Variants in NPC1L1 observed in about 807,000 individuals in gnomAD.
NPC1L1 encodes the protein NPC1-like intracellular cholesterol transporter 1.
A neutral mutation model predicts 117.0 loss-of-function variants in NPC1L1; 98 were observed. The observed-to-expected ratio is 0.84, with a 90% confidence interval of 0.71 to 0.99. The LOEUF is 0.99. Among genes scored for constraint, NPC1L1 ranks in the 50% least tolerant of loss-of-function variants. The probability of loss-of-function intolerance (pLI) is 0.00; values close to 1 mark genes in which losing one functional copy is unlikely to be tolerated. For synonymous variants in NPC1L1, 729 were observed against 727.6 expected (o/e 1.00, Z -0.03); for missense variants, 1,540 against 1,710.0 (o/e 0.90, Z 1.75).
At chr7:44,523,317 A>C (rs187569141) in intron 10 of NPC1L1, among the ~76,000 whole-genome samples, 2 of 152,054 alleles carry the variant, frequency 1.3e-5, no homozygotes, top group South Asian at 2.1e-4. Flanking sequence ...CGGCCTCCCA[A>C]ATGGCTGGGA....
intron 5 of NPC1L1, among the ~76,000 whole-genome samples, chr7:44,535,295 C>CG (rs1801842217): frequency 6.6e-6 from 1 of 150,962 alleles, no homozygotes; most frequent in Non-Finnish European, 1.5e-5. Flanking sequence ...ACCCAGGAGG[C>CG]GGAGGTTGCA....
In NPC1L1 at chr7:44,540,301, G is replaced by C. The variant is rs1169864294; in HGVS notation, c.96C>G (p.Tyr32Ter). 6.2e-7 allele frequency: 1 copy of C among 1,613,782 alleles called. No homozygotes were observed. Among genetic ancestry groups the C allele is most frequent in the African/African-American group, 1.3e-5 (1 of 74,924 alleles). Residue 32 changes from tyrosine to a stop codon, truncating the protein, a stop_gained, in exon 2 of 19, where the codon TAC becomes TAG. Coordinates refer to ENST00000381160, the MANE Select transcript of NPC1L1 (RefSeq NM_001101648.2). LOFTEE classifies it high-confidence loss of function. ...EPYTTIHQPGYCAFYDECGKN... is the reference protein window; with the variant it reads ...EPYTTIHQPG ...TCCCACATTCGTCATAGAAGGCGCA[G>C]TAGCCAGGCTGGTGGATGGTTGTGT...
intron 16 of NPC1L1, 77 bp downstream of exon 16, chr7:44,516,626 A>T (rs1801192740): frequency 2.6e-6 from 3 of 1,175,792 alleles, no homozygotes; most frequent in Admixed American, 4.0e-5. Flanking sequence ...AACAAAAAAG[A>T]ACTAGGAGTA....
At position 44,536,707 on chromosome 7, in the gene NPC1L1, T is replaced by C. The variant is rs1801906169; in HGVS notation, c.1681+135A>G. The C allele has an allele frequency of 8.8e-6, 7 of 798,846 alleles. No individual in the cohort carries two copies. Among genetic ancestry groups the C allele is most frequent in the Non-Finnish European group, 1.5e-5 (7 of 464,326 alleles). 49.5% of individuals were successfully genotyped at this position (798,846 alleles called of 1,614,324 possible). On this transcript the variant is annotated intron_variant, in intron 3 of 18. Transcript: ENST00000381160. The surrounding 1 kb of genome is among the most constrained non-coding windows in gnomAD (Gnocchi z 4.7). Reference sequence around the variant, plus strand: ...GGCAGAGAGAGGAAACAGGACAGGGTTGGCCTACAGCTTCCAGAAGCCAGG... The same window carrying C: ...GGCAGAGAGAGGAAACAGGACAGGGCTGGCCTACAGCTTCCAGAAGCCAGG...
chr7:44,536,545 C>T lies in NPC1L1; in HGVS notation c.1682-117G>A. The stretch of plus-strand genomic sequence containing the variant: ...GCACCCCTCCCATCACCCCTTGCTC[C>T]TTCTCCCCCACTCCTTCCTCATCTG... On this transcript the variant is annotated intron_variant, in intron 3 of 18. Transcript: ENST00000381160. The surrounding 1 kb of genome is among the most constrained non-coding windows in gnomAD (Gnocchi z 4.7). 1 of 1,158,182 alleles carries T rather than the reference C, an allele frequency of 8.6e-7. No individual in the cohort carries two copies. Among genetic ancestry groups the T allele is most frequent in the Non-Finnish European group, 1.3e-6 (1 of 788,308 alleles). The allele number at this position is 1,158,182 out of a possible 1,614,324, so 71.7% of individuals were successfully genotyped here. A position where few individuals can be genotyped will look rare whatever the true frequency, so the allele number is the denominator to read the frequency against.
rs771904777 is a variant in NPC1L1 at position 44,539,457 on chromosome 7, T to C, written c.940A>G (p.Ser314Gly). ...CCCTTCTTGGGGTCCACCATCTTGC[T>C]TTTGTCCCTGGCGGGGGCCACACGG... is the stretch of plus-strand genomic sequence containing the variant. ...GFRVAPARDK[S>G]KMVDPKKGTS... The change falls in exon 2 of 19, where the codon AGC becomes GGC. Residue 314 changes from serine to glycine, a missense_variant. This residue lies in a region of NPC1L1 where 793 missense variants were observed against 820.4 expected (regional missense o/e 0.97). Transcript: ENST00000381160. The surrounding 1 kb of genome is among the most constrained non-coding windows in gnomAD (Gnocchi z 4.4). 2.5e-6 allele frequency: 4 copies of C among 1,614,026 alleles called. No individual in the cohort carries two copies. The highest frequency in any genetic ancestry group is 1.7e-5 in the Admixed American group (1 of 60,016).
intron 17 of NPC1L1, 48 bp downstream of exon 17, chr7:44,516,036 C>G (rs759847601): frequency 6.2e-7 from 1 of 1,607,792 alleles, no homozygotes; most frequent in Non-Finnish European, 8.5e-7. Flanking sequence ...TCAGGCAGGG[C>G]ACAGGGTGTC....
chr7:44,532,468 A>G (rs1455805965), intron 8 of NPC1L1, among the ~76,000 whole-genome samples: 1 of 152,164 alleles, frequency 6.6e-6, no homozygotes, highest in East Asian at 1.9e-4. Flanking sequence ...CTTGAACAAC[A>G]CGAGTTTGAA....
In NPC1L1 at chr7:44,534,508, A is replaced by G. The variant is rs1801805730; in HGVS notation, c.2105T>C (p.Val702Ala). 6.2e-7 allele frequency: 1 copy of G among 1,614,166 alleles called. No individual in the cohort carries two copies. Among genetic ancestry groups the G allele is most frequent in the Non-Finnish European group, 8.5e-7 (1 of 1,180,024 alleles). ...CCCCACGGACAGCACCAGGAAAGGAACCACTTGCAGGATGACCAGGGAGGA... is the reference window on the plus strand; with the variant it reads ...CCCCACGGACAGCACCAGGAAAGGAGCCACTTGCAGGATGACCAGGGAGGA... ...IRSSLVILQVVPFLVLSVGAD... is the reference protein window; with the variant it reads ...IRSSLVILQVAPFLVLSVGAD... Residue 702 changes from valine (V) to alanine (A), a missense_variant, in exon 6 of 19, where the codon GTT becomes GCT. By Grantham distance (64) the Val-to-Ala change is moderately conservative. Around this residue, in one of 3 missense-constraint regions of NPC1L1, gnomAD observed 742 missense variants for 873.6 expected, o/e 0.85. Coordinates refer to ENST00000381160, the MANE Select transcript of NPC1L1 (RefSeq NM_001101648.2). This position sits in a 1 kb window ranked among gnomAD's most constrained non-coding sequence, Gnocchi z 5.2.
Position 44,539,260 on chromosome 7 carries a change from G to C in NPC1L1, c.1137C>G (p.Pro379=). ...TGTTGGGGGCCGACCACAGCTCCACGGGGTCCGTAGTGAGTTCTGTAAAGA... is the reference window on the plus strand; with the variant it reads ...TGTTGGGGGCCGACCACAGCTCCACCGGGTCCGTAGTGAGTTCTGTAAAGA... ...GLVFTELTTD[P]VELWSAPNSQ... Residue 379 remains proline, a synonymous_variant, in exon 2 of 19, where the codon CCC becomes CCG. Coordinates refer to ENST00000381160, the MANE Select transcript of NPC1L1 (RefSeq NM_001101648.2). The surrounding 1 kb of genome is among the most constrained non-coding windows in gnomAD (Gnocchi z 4.4). 1.9e-6 allele frequency: 3 copies of C among 1,614,078 alleles called. No individual in the cohort carries two copies. Among genetic ancestry groups the C allele is most frequent in the Non-Finnish European group, 2.5e-6 (3 of 1,180,040 alleles).
chr7:44,530,879 C>T (rs1801674764), intron 10 of NPC1L1, among the ~76,000 whole-genome samples: 1 of 152,164 alleles, frequency 6.6e-6, no homozygotes, highest in Non-Finnish European at 1.5e-5. Context: ...GCCAGTACTG[C>T]CTAACACACC....
At chr7:44,521,234 T>C in intron 12 of NPC1L1, 116 bp from the exon 13 acceptor site, 1 of 1,387,026 alleles carries the variant, frequency 7.2e-7, no homozygotes, top group South Asian at 1.2e-5. Context: ...CCTCAACCAG[T>C]CGCTTCTAGG....
Position 44,534,342 on chromosome 7 carries a change from C to A in NPC1L1, c.2166+105G>T. On this transcript the variant is annotated intron_variant, in intron 6 of 18. Coordinates refer to ENST00000381160, the MANE Select transcript of NPC1L1 (RefSeq NM_001101648.2). The surrounding 1 kb of genome is among the most constrained non-coding windows in gnomAD (Gnocchi z 5.2). The stretch of plus-strand genomic sequence containing the variant: ...ATGCGTGTCGATGAACAGAAAGAGT[C>A]TGCAGGGAGACCCAGCAAATTCACG... The A allele has an allele frequency of 9.4e-7, 1 of 1,061,306 alleles. No individual in the cohort carries two copies. The highest frequency in any genetic ancestry group is 1.3e-5 in the South Asian group (1 of 79,224). 65.7% of individuals were successfully genotyped at this position (1,061,306 alleles called of 1,614,324 possible).
Position 44,539,842 on chromosome 7 carries a change from C to T in NPC1L1, c.555G>A (p.Val185=), listed in dbSNP as rs760523766. ...VRVPAAATLA[V]GTMCGVYGSA... ...AGCCATACACGCCACACATGGTGCC[C>T]ACAGCCAGCGTGGCAGCTGCAGGGA... Residue 185 remains valine (V), a synonymous_variant, in exon 2 of 19, where the codon GTG becomes GTA. Coordinates refer to ENST00000381160, the MANE Select transcript of NPC1L1 (RefSeq NM_001101648.2). The surrounding 1 kb of genome is among the most constrained non-coding windows in gnomAD (Gnocchi z 4.4). 3.7e-6 allele frequency: 6 copies of T among 1,614,138 alleles called. No individual in the cohort carries two copies. Among genetic ancestry groups the T allele is most frequent in the Non-Finnish European group, 5.1e-6 (6 of 1,180,040 alleles).
chr7:44,521,593 C>T, intron 12 of NPC1L1, 119 bp downstream of exon 12: 18 of 1,524,810 alleles, frequency 1.2e-5, no homozygotes, highest in South Asian at 7.9e-5. Flanking sequence ...CCCATGCCCC[C>T]GACAGACCCT....
Position 44,540,009 on chromosome 7 carries a change from T to A in NPC1L1, c.388A>T (p.Ser130Cys). ...TTGATGAAGAGGCTCTGATTGGGGC[T>A]GCACGTGTTGTGGCAGTGCAGGTTC... is the stretch of plus-strand genomic sequence containing the variant. The part of the protein sequence containing the change: ...FVNLHCHNTC[S>C]PNQSLFINVT... The change falls in exon 2 of 19, where the codon AGC (serine) becomes TGC (cysteine). Residue 130 changes from serine (S) to cysteine (C), a missense_variant. Ser to Cys is a moderately radical substitution (Grantham distance 112, BLOSUM62 -1). Transcript: ENST00000381160. 6.2e-7 allele frequency: 1 copy of A among 1,614,232 alleles called. No individual in the cohort carries two copies. The highest frequency in any genetic ancestry group is 8.5e-7 in the Non-Finnish European group (1 of 1,180,034).
rs1801203557 is a variant in NPC1L1 at position 44,516,823 on chromosome 7, C to T, written c.3399G>A (p.Leu1133=). 2 of 1,614,066 alleles carry T rather than the reference C, an allele frequency of 1.2e-6. No individual in the cohort carries two copies. The highest frequency in any genetic ancestry group is 2.2e-5 in the South Asian group (2 of 91,080). Reference sequence around the variant, plus strand: ...GGTTGAGGAGGCCGGAGCGCAGGTCCAGGCCCAGCAGGAGGCAGGAGACAG... The same window carrying T: ...GGTTGAGGAGGCCGGAGCGCAGGTCTAGGCCCAGCAGGAGGCAGGAGACAG... ...TFAVSCLLLG[L]DLRSGLLNLL... The change falls in exon 16 of 19, where the codon CTG becomes CTA. Residue 1133 remains leucine (L), a synonymous_variant. Transcript: ENST00000381160.
At chr7:44,523,051 T>G (rs546155819) in intron 10 of NPC1L1, among the ~76,000 whole-genome samples, 25 of 152,150 alleles carry the variant, frequency 1.6e-4, no homozygotes, top group African/African-American at 6.0e-4. Flanking sequence ...GTATAACTAT[T>G]TTGTTTTTGT....
At chr7:44,520,690 C>G in intron 14 of NPC1L1, 75 bp downstream of exon 14, 1 of 1,251,008 alleles carries the variant, frequency 8.0e-7, no homozygotes, top group Non-Finnish European at 1.2e-6. Flanking sequence ...ATGTGACAGG[C>G]TGTTCCCTGG....
Sources: gnomAD v4.1 joint callset for allele counts (sites outside exome capture counted in the v4.1 genomes callset) on GRCh38, gnomAD v4.1.1 for gene constraint, gnomAD v4.1.1 regional missense constraint, Gnocchi (gnomAD v3.1) non-coding constraint, MANE v1.5 for transcripts, NCBI Gene and HGNC (gene_info 2026-07-23, HGNC 2026-07-21) for gene names.